TEX11: variants seen among roughly 807,000 people sequenced by gnomAD.
TEX11 encodes testis-expressed protein 11.
Under a neutral mutation model 84.4 loss-of-function variants are expected in TEX11, and 7 were observed. The ratio of observed to expected loss-of-function variants is 0.08; its 90% confidence interval spans 0.05 to 0.16. The LOEUF (loss-of-function observed/expected upper bound fraction) is 0.16, where lower values mean the gene tolerates loss of function less well. TEX11 is among the 10% of genes least tolerant of loss of function. TEX11 has a pLI of 1.00. For synonymous variants in TEX11, 264 were observed against 222.8 expected (o/e 1.18, Z -1.64); for missense variants, 551 against 660.5 (o/e 0.83, Z 1.82).
At chrX:70,544,235 C>G (rs1258456393) in intron 28 of TEX11, among the ~76,000 whole-genome samples, 1 of 111,674 alleles carries the variant, frequency 9.0e-6, no homozygotes, top group Non-Finnish European at 1.9e-5. Flanking sequence ...TAACTTTGGC[C>G]AGGTGTGGTG....
At chrX:70,666,774 CTT>C (rs968239954) in intron 16 of TEX11, among the ~76,000 whole-genome samples, 3 of 112,060 alleles carry the variant, frequency 2.7e-5, no homozygotes, top group Admixed American at 9.5e-5. Context: ...ACAAAGGTCT[CTT>C]TGCCATTCTT....
intron 3 of TEX11, among the ~76,000 whole-genome samples, chrX:70,874,890 T>C (rs1408094110): frequency 9.0e-6 from 1 of 110,672 alleles, no homozygotes; most frequent in Non-Finnish European, 1.9e-5. Flanking sequence ...TATAAAAATG[T>C]TCGCCTGGGT....
At chrX:70,677,900 G>A (rs1274717673) in intron 15 of TEX11, among the ~76,000 whole-genome samples, 2 of 94,950 alleles carry the variant, frequency 2.1e-5, no homozygotes, top group African/African-American at 8.2e-5. Context: ...TGCAACCTCT[G>A]CCTCCCGGGT....
chrX:70,900,473 T>C (rs1199222299), intron 2 of TEX11, among the ~76,000 whole-genome samples: 1 of 108,262 alleles, frequency 9.2e-6, no homozygotes, highest in Non-Finnish European at 1.9e-5. Flanking sequence ...ACGTATGGGA[T>C]ACAGAGTGAA....
chrX:70,836,980 G>A (rs749570352), intron 7 of TEX11, among the ~76,000 whole-genome samples: 3 of 111,343 alleles, frequency 2.7e-5, no homozygotes, highest in Non-Finnish European at 5.7e-5. Context: ...TCATGCCACA[G>A]CACTCCACCC....
rs755762583 is a variant in TEX11 at position 70,821,515 on chromosome X, G to A, written c.606+11998C>T. Among the ~76,000 whole-genome samples the A allele has an allele frequency of 3.6e-5, 4 of 111,727 alleles. No homozygotes were observed. In the South Asian group the frequency reaches 1.1e-3, roughly 32 times the overall value. ...CTTCTGCTCCAGCCATGTAGGATGC[G>A]CCAGCTTCCCCTTCACCATCTGCCA... On this transcript the variant is annotated intron_variant, in intron 8 of 29. Coordinates refer to ENST00000374333, the MANE Select transcript of TEX11 (RefSeq NM_031276.3).
At chrX:70,698,013 T>C (rs2090295002) in intron 13 of TEX11, among the ~76,000 whole-genome samples, 1 of 111,597 alleles carries the variant, frequency 9.0e-6, no homozygotes, top group South Asian at 3.7e-4. Flanking sequence ...TATTTTTATT[T>C]TTTATTATTA....
At chrX:70,670,538 A>G (rs978829829) in intron 15 of TEX11, 24 bp from the exon 16 acceptor site, 3 of 1,180,296 alleles carry the variant, frequency 2.5e-6, no homozygotes, top group Non-Finnish European at 3.4e-6. Context: ...AGAAACAACA[A>G]AATCACAGCG....
chrX:70,772,046 G>C (rs1468521931), intron 9 of TEX11, among the ~76,000 whole-genome samples: 1 of 111,627 alleles, frequency 9.0e-6, no homozygotes, highest in Non-Finnish European at 1.9e-5. Flanking sequence ...CTCAGTGCCA[G>C]GATGGACCAC....
chrX:70,661,147 G>A (rs188103861), intron 16 of TEX11, among the ~76,000 whole-genome samples: 50 of 111,739 alleles, frequency 4.5e-4, no homozygotes, highest in Admixed American at 4.3e-3. Flanking sequence ...GGTGACAGAC[G>A]GCACTTGGAA....
At chrX:70,646,990 C>T (rs886130659) in intron 17 of TEX11, among the ~76,000 whole-genome samples, 3 of 111,251 alleles carry the variant, frequency 2.7e-5, no homozygotes, top group Admixed American at 9.6e-5. Context: ...AACTGTTTAT[C>T]GGTGGATAAG....
chrX:70,612,894 G>C (rs1231811549), intron 20 of TEX11, among the ~76,000 whole-genome samples: 2 of 110,033 alleles, frequency 1.8e-5, no homozygotes, highest in African/African-American at 6.6e-5. Flanking sequence ...CAAACTACAG[G>C]AAATAAAATA....
Position 70,623,995 on chromosome X carries a change from C to T in TEX11, c.1706G>A (p.Arg569His), listed in dbSNP as rs1350493086. 3.4e-5 allele frequency: 41 copies of T among 1,201,445 alleles called. No homozygotes were observed. The highest frequency in any genetic ancestry group is 4.5e-5 in the Non-Finnish European group (40 of 890,450). Residue 569 changes from arginine (R) to histidine (H), a missense_variant, in exon 20 of 30, where the codon CGT becomes CAT. Coordinates refer to ENST00000374333, the MANE Select transcript of TEX11 (RefSeq NM_031276.3). ...TTCAGCAATTTTTGGAAGAAGAAAA[C>T]GAAGCAAACACCTGTATGACAAAGT... ...QVLTAVKCLL[R>H]FLLPKIAEMP...
At chrX:70,882,735 C>T (rs904768897) in intron 2 of TEX11, among the ~76,000 whole-genome samples, 1 of 109,365 alleles carries the variant, frequency 9.1e-6, no homozygotes, top group African/African-American at 3.3e-5. Context: ...AAGCTATGAT[C>T]ATGCCACGGC....
At chrX:70,907,655 G>A in intron 2 of TEX11, 98 bp downstream of exon 2, 1 of 657,316 alleles carries the variant, frequency 1.5e-6, no homozygotes, top group South Asian at 2.5e-5. Flanking sequence ...GCCTCCCAAA[G>A]TGCTGAGATT....
chrX:70,888,939 G>A (rs755420730), intron 2 of TEX11, among the ~76,000 whole-genome samples: 1 of 111,224 alleles, frequency 9.0e-6, no homozygotes, highest in East Asian at 2.8e-4. Context: ...CATATTTAAA[G>A]TGCTGTGGGA....
intron 13 of TEX11, among the ~76,000 whole-genome samples, chrX:70,690,706 T>C (rs1161881344): frequency 9.0e-6 from 1 of 110,789 alleles, no homozygotes; most frequent in Non-Finnish European, 1.9e-5. Flanking sequence ...CTCTAATAAA[T>C]AAATATTTTT....
chrX:70,740,769 T>G lies in TEX11; in HGVS notation c.775A>C (p.Asn259His). The stretch of plus-strand genomic sequence containing the variant: ...TTGGTGTCATCCCAATCCAAATAAT[T>G]CGTGGCTAATAGCCGTAGAACTTTA... Reference protein sequence around the residue: ...LAKVLRLLATNYLDWDDTKYY... With the variant: ...LAKVLRLLATHYLDWDDTKYY... Residue 259 changes from asparagine to histidine, a missense_variant, in exon 11 of 30, where the codon AAT becomes CAT. Coordinates refer to ENST00000374333, the MANE Select transcript of TEX11 (RefSeq NM_031276.3). The G allele has an allele frequency of 8.4e-7, 1 of 1,195,200 alleles. No individual in the cohort carries two copies. Among genetic ancestry groups the G allele is most frequent in the Non-Finnish European group, 1.1e-6 (1 of 885,734 alleles).
chrX:70,752,435 G>A (rs1001246468), intron 9 of TEX11, among the ~76,000 whole-genome samples: 30 of 101,034 alleles, frequency 3.0e-4, no homozygotes, highest in Admixed American at 9.3e-4. Context: ...TGAGGCAAGA[G>A]AATTGCTTGA....
Sources: allele counts gnomAD v4.1 joint callset (sites outside exome capture counted in the v4.1 genomes callset), GRCh38; gene constraint gnomAD v4.1.1; transcripts MANE v1.5; gene names NCBI Gene and HGNC (gene_info 2026-07-23, HGNC 2026-07-21).